The following JARID2 variants were observed in gnomAD, a reference collection of about 807,000 sequenced individuals.
JARID2 encodes the protein protein Jumonji.
A neutral mutation model predicts 125.6 loss-of-function variants in JARID2; 21 were observed. The ratio of observed to expected loss-of-function variants is 0.17; its 90% CI spans 0.12 to 0.24. The LOEUF (loss-of-function observed/expected upper bound fraction) is 0.24, where lower values mean the gene tolerates loss of function less well. Among genes scored for constraint, JARID2 ranks in the 10% least tolerant of loss-of-function variants. The pLI, the probability that JARID2 is intolerant of heterozygous loss-of-function variation, is 1.00. For synonymous variants in JARID2, 736 were observed against 661.6 expected, an observed-to-expected ratio of 1.11 and a Z score of -1.73; for missense variants, 1,303 against 1,639.6, an observed-to-expected ratio of 0.79 and a Z score of 3.55.
chr6:15,249,049 A>G (rs1759326836), intron 1 of JARID2: 1 of 680,674 alleles, frequency 1.5e-6, no homozygotes, highest in Non-Finnish European at 1.8e-6. Context: ...AGCGGGGAGG[A>G]GGCGCCTCCT....
chr6:15,390,966 G>C (rs1437621209), intron 2 of JARID2, among the ~76,000 whole-genome samples: 1 of 152,086 alleles, frequency 6.6e-6, no homozygotes, highest in Admixed American at 6.5e-5. Flanking sequence ...CCTCAGAGGT[G>C]GTATTCTTAC....
intron 1 of JARID2, among the ~76,000 whole-genome samples, chr6:15,285,257 C>T (rs1420427315): frequency 6.6e-6 from 1 of 151,734 alleles, no homozygotes; most frequent in Non-Finnish European, 1.5e-5. Flanking sequence ...ATTACAGGCA[C>T]CTGCCACCAC....
intron 2 of JARID2, among the ~76,000 whole-genome samples, chr6:15,386,224 TCTCTCCCTCTCCCCCACCC>T (rs1319092926): frequency 1.3e-5 from 2 of 151,826 alleles, no homozygotes; most frequent in African/African-American, 2.4e-5. Context: ...CAGATAGCTA[TCTCTCCCTCTCCCCCACCC>T]CTCTCCCTCT....
chr6:15,444,536 TG>T (rs1767583637), intron 3 of JARID2, among the ~76,000 whole-genome samples: 1 of 151,802 alleles, frequency 6.6e-6, no homozygotes, highest in South Asian at 2.1e-4. Flanking sequence ...TTTCTTTGAG[TG>T]GCTGCCAGGT....
intron 1 of JARID2, among the ~76,000 whole-genome samples, chr6:15,287,400 A>G (rs1387789407): frequency 2.6e-5 from 4 of 152,244 alleles, no homozygotes; most frequent in East Asian, 1.9e-4. Context: ...TTGAATAACA[A>G]GTCCTCATAG....
chr6:15,247,309 A>G (rs1331172718), intron 1 of JARID2: 3 of 473,266 alleles, frequency 6.3e-6, no homozygotes, highest in Non-Finnish European at 8.3e-6. Context: ...TGGGCTTCTG[A>G]AATTGGGTGA....
intron 6 of JARID2, among the ~76,000 whole-genome samples, chr6:15,493,045 T>C (rs1770231182): frequency 1.3e-5 from 2 of 152,094 alleles, no homozygotes; most frequent in African/African-American, 2.4e-5. Flanking sequence ...GATAGTGATA[T>C]ATAGAATTCA....
In JARID2 at chr6:15,504,568, G is replaced by A; in HGVS notation, c.2517G>A (p.Lys839=). The A allele has an allele frequency of 6.2e-7, 1 of 1,614,032 alleles. No homozygotes were observed. The highest frequency in any genetic ancestry group is 8.5e-7 in the Non-Finnish European group (1 of 1,179,902). Residue 839 remains lysine, a synonymous_variant, in exon 9 of 18, where the codon AAG becomes AAA. Transcript: ENST00000341776. The part of the protein sequence containing the change: ...ARNIMSMCFS[K]EPAPAEIEQE... ...ATATCATGAGCATGTGTTTCAGCAAGGAGCCTGCCCCAGCCGAAATCGAGG... is the reference window on the plus strand; with the variant it reads ...ATATCATGAGCATGTGTTTCAGCAAAGAGCCTGCCCCAGCCGAAATCGAGG...
intron 4 of JARID2, among the ~76,000 whole-genome samples, chr6:15,453,570 G>T (rs990348458): frequency 3.9e-5 from 6 of 152,180 alleles, no homozygotes; most frequent in African/African-American, 1.4e-4. Context: ...CCTTTGCAGT[G>T]TATAAGTGTT....
chr6:15,327,931 G>C (rs570062796), intron 1 of JARID2, among the ~76,000 whole-genome samples: 1 of 152,222 alleles, frequency 6.6e-6, no homozygotes, highest in South Asian at 2.1e-4. Context: ...CACCTCGTTT[G>C]TATTTGTCTC....
chr6:15,512,722 G>A (rs1771339793), intron 14 of JARID2, among the ~76,000 whole-genome samples, 193 bp from the exon 15 acceptor site: 1 of 152,006 alleles, frequency 6.6e-6, no homozygotes, highest in South Asian at 2.1e-4. Flanking sequence ...TCTGGGTAGC[G>A]GCGAAGTGCT....
intron 3 of JARID2, among the ~76,000 whole-genome samples, chr6:15,447,935 G>A (rs1470596890): frequency 6.6e-6 from 1 of 152,196 alleles, no homozygotes; most frequent in Non-Finnish European, 1.5e-5. Context: ...CATTCTAGAA[G>A]GAAACTCCTG....
At chr6:15,467,032 A>G (rs1450246710) in intron 4 of JARID2, among the ~76,000 whole-genome samples, 1 of 152,226 alleles carries the variant, frequency 6.6e-6, no homozygotes, top group Admixed American at 6.5e-5. Flanking sequence ...TTGCAGTTGC[A>G]TATCCACTCA....
At chr6:15,285,565 A>G (rs1760965103) in intron 1 of JARID2, among the ~76,000 whole-genome samples, 1 of 139,414 alleles carries the variant, frequency 7.2e-6, no homozygotes. Flanking sequence ...AAAAAAATAC[A>G]TATATATATA....
At chr6:15,414,751 G>A (rs981376896) in intron 3 of JARID2, among the ~76,000 whole-genome samples, 2 of 151,872 alleles carry the variant, frequency 1.3e-5, no homozygotes, top group African/African-American at 4.8e-5. Context: ...TGATCATTGT[G>A]GTGGGTGAGA....
intron 1 of JARID2, among the ~76,000 whole-genome samples, chr6:15,354,346 C>G (rs1237055323): frequency 6.6e-6 from 1 of 152,182 alleles, no homozygotes; most frequent in Non-Finnish European, 1.5e-5. Flanking sequence ...TCCAGCCTTG[C>G]TAACACCACC....
At chr6:15,486,622 C>G (rs1487808092) in intron 5 of JARID2, among the ~76,000 whole-genome samples, 1 of 152,218 alleles carries the variant, frequency 6.6e-6, no homozygotes, top group East Asian at 1.9e-4. Flanking sequence ...TTAAGAAATA[C>G]TAGCTATTAG....
chr6:15,283,188 C>A (rs144088926), intron 1 of JARID2, among the ~76,000 whole-genome samples: 2,181 of 149,464 alleles, frequency 0.015, 22 homozygotes, highest in Non-Finnish European at 0.023. Context: ...CCGTGTTAGC[C>A]AGGACGGTCT....
intron 17 of JARID2, among the ~76,000 whole-genome samples, chr6:15,519,105 C>T (rs1187344183): frequency 6.6e-6 from 1 of 152,188 alleles, no homozygotes; most frequent in African/African-American, 2.4e-5. Context: ...GGGGCAGGTG[C>T]TGCCCACCTG....
Sources: gnomAD v4.1 joint callset for allele counts (sites outside exome capture counted in the v4.1 genomes callset) on GRCh38, gnomAD v4.1.1 for gene constraint, MANE v1.5 for transcripts, NCBI Gene and HGNC (gene_info 2026-07-23, HGNC 2026-07-21) for gene names.